The following SKAP1 variants were observed in gnomAD, a reference collection of about 807,000 sequenced individuals.
SKAP1 encodes src kinase-associated phosphoprotein 1.
SKAP1 carries 44 observed loss-of-function variants against 58.5 expected under a neutral mutation model. The observed-to-expected ratio is 0.75, with a 90% CI of 0.59 to 0.97. The LOEUF is 0.97. SKAP1 is among the 50% of genes least tolerant of loss of function. The probability of loss-of-function intolerance (pLI) is 0.00; values close to 1 mark genes in which losing one functional copy is unlikely to be tolerated. For missense variants in SKAP1, 390 were observed against 435.2 expected (o/e 0.90, Z 0.92); for synonymous variants, 127 against 149.7 (o/e 0.85, Z 1.11).
intron 10 of SKAP1, among the ~76,000 whole-genome samples, chr17:48,167,323 TA>T (rs1459048673): frequency 6.6e-6 from 1 of 152,206 alleles, no homozygotes; most frequent in Admixed American, 6.5e-5. Context: ...ATCTTAGTGG[TA>T]TAAGTATGAT....
At position 48,246,313 on chromosome 17, in the gene SKAP1, A is replaced by G. The variant is rs372661808; in HGVS notation, c.281-56813T>C. On this transcript the variant is annotated intron_variant, in intron 4 of 12. Transcript: ENST00000336915. ...TCCTCTCATCATCCTCCTACAATTA[A>G]GTAACCCTTGTTAGACCGGACTATT... Among the ~76,000 whole-genome samples the G allele has an allele frequency of 3.3e-5, 5 of 152,300 alleles. No homozygotes were observed. In the East Asian group the frequency reaches 9.6e-4, roughly 29 times the overall value.
At chr17:48,307,513 C>T (rs1436609948) in intron 4 of SKAP1, 2 of 152,334 alleles carry the variant, frequency 1.3e-5, no homozygotes, top group East Asian at 3.9e-4. Flanking sequence ...TATGTCCACG[C>T]AGAGTATGCT....
chr17:48,316,757 A>T (rs2066293870), intron 4 of SKAP1, among the ~76,000 whole-genome samples: 1 of 152,228 alleles, frequency 6.6e-6, no homozygotes, highest in Admixed American at 6.5e-5. Context: ...ATGAACCTCA[A>T]AAGAATGTTC....
At chr17:48,227,873 G>A (rs1156386842) in intron 4 of SKAP1, among the ~76,000 whole-genome samples, 1 of 152,128 alleles carries the variant, frequency 6.6e-6, no homozygotes, top group East Asian at 1.9e-4. Context: ...AGGTTGTTAC[G>A]AGGATAAAAT....
At chr17:48,204,989 C>CTTTTCT (rs1332877599) in intron 4 of SKAP1, among the ~76,000 whole-genome samples, 56 of 55,878 alleles carry the variant, frequency 1.0e-3, no homozygotes, top group African/African-American at 4.0e-3. Flanking sequence ...TTCTTTCTTT[C>CTTTTCT]TTTCTTTCTT....
At chr17:48,326,137 A>T (rs1451961563) in intron 4 of SKAP1, among the ~76,000 whole-genome samples, 1 of 152,234 alleles carries the variant, frequency 6.6e-6, no homozygotes, top group African/African-American at 2.4e-5. Flanking sequence ...TAATCCTTCC[A>T]GGGGTGTAAA....
chr17:48,283,022 T>C (rs2065786936), intron 4 of SKAP1, among the ~76,000 whole-genome samples: 1 of 152,200 alleles, frequency 6.6e-6, no homozygotes, highest in Non-Finnish European at 1.5e-5. Context: ...GTTAAGAAGA[T>C]GTTTGGGAGA....
At chr17:48,263,666 A>G (rs1050479156) in intron 4 of SKAP1, among the ~76,000 whole-genome samples, 1 of 152,124 alleles carries the variant, frequency 6.6e-6, no homozygotes, top group Non-Finnish European at 1.5e-5. Flanking sequence ...TATGGAGAAA[A>G]TATGTCCGTT....
intron 11 of SKAP1, among the ~76,000 whole-genome samples, chr17:48,138,798 G>A (rs537520503): frequency 6.6e-6 from 1 of 152,214 alleles, no homozygotes; most frequent in East Asian, 1.9e-4. Context: ...TTACAGGCGT[G>A]AGCCACTGTG....
chr17:48,340,720 A>G (rs1567874804), intron 4 of SKAP1, among the ~76,000 whole-genome samples: 1 of 152,204 alleles, frequency 6.6e-6, no homozygotes, highest in Non-Finnish European at 1.5e-5. Context: ...TAAACACAAA[A>G]AATGCTTCTA....
At chr17:48,145,986 A>C (rs1271084958) in intron 11 of SKAP1, among the ~76,000 whole-genome samples, 2 of 152,152 alleles carry the variant, frequency 1.3e-5, no homozygotes, top group East Asian at 3.9e-4. Flanking sequence ...AAACTGGTGT[A>C]AAATTTTGTG....
At chr17:48,138,542 C>T (rs1598352789) in intron 11 of SKAP1, among the ~76,000 whole-genome samples, 1 of 151,672 alleles carries the variant, frequency 6.6e-6, no homozygotes, top group South Asian at 2.1e-4. Flanking sequence ...GCTAATTTTT[C>T]TATTTTTAGT....
In SKAP1 at chr17:48,259,096, G is replaced by A. The variant is rs145902397; in HGVS notation, c.281-69596C>T. On this transcript the variant is annotated intron_variant, in intron 4 of 12. Transcript: ENST00000336915. ...ATTTTAGGCAGATGCTTGAATGTCCGTAATTTTTTAAAATGGGGGACTCTA... is the reference window on the plus strand; with the variant it reads ...ATTTTAGGCAGATGCTTGAATGTCCATAATTTTTTAAAATGGGGGACTCTA... Among the ~76,000 whole-genome samples, 886 of 152,080 alleles carry A rather than the reference G, an allele frequency of 5.8e-3. 1 individual carries two copies. The highest frequency in any genetic ancestry group is 0.017 in the African/African-American group (708 of 41,504).
At chr17:48,325,909 A>G (rs990747762) in intron 4 of SKAP1, among the ~76,000 whole-genome samples, 3 of 152,208 alleles carry the variant, frequency 2.0e-5, no homozygotes, top group Non-Finnish European at 4.4e-5. Flanking sequence ...GCTCTACCAG[A>G]TATTTACAAG....
At chr17:48,282,031 C>T (rs2065772666) in intron 4 of SKAP1, among the ~76,000 whole-genome samples, 2 of 152,058 alleles carry the variant, frequency 1.3e-5, no homozygotes, top group Admixed American at 1.3e-4. Context: ...TCTTCATGCA[C>T]CGATAAGAAT....
intron 2 of SKAP1, among the ~76,000 whole-genome samples, chr17:48,385,544 T>G (rs944298855): frequency 5.3e-5 from 8 of 152,014 alleles, no homozygotes; most frequent in African/African-American, 1.9e-4. Flanking sequence ...AAATACTGTG[T>G]GGGGGGACTC....
chr17:48,170,259 T>G (rs2064190130), intron 10 of SKAP1, among the ~76,000 whole-genome samples: 1 of 152,224 alleles, frequency 6.6e-6, no homozygotes, highest in South Asian at 2.1e-4. Context: ...GACATTTCCA[T>G]TCTTTCCATT....
intron 2 of SKAP1, among the ~76,000 whole-genome samples, chr17:48,392,082 C>A (rs908495968): frequency 1.3e-5 from 2 of 152,158 alleles, no homozygotes; most frequent in Non-Finnish European, 2.9e-5. Context: ...TTTTATCAGG[C>A]TAACTCCTTG....
chr17:48,390,698 T>C (rs2067333510), intron 2 of SKAP1, among the ~76,000 whole-genome samples: 1 of 152,164 alleles, frequency 6.6e-6, no homozygotes, highest in Non-Finnish European at 1.5e-5. Context: ...AATCCCAAAC[T>C]CCTTTTCACT....
Sources: gnomAD v4.1 joint callset for allele counts (sites outside exome capture counted in the v4.1 genomes callset) on GRCh38, gnomAD v4.1.1 for gene constraint, MANE v1.5 for transcripts, NCBI Gene and HGNC (gene_info 2026-07-23, HGNC 2026-07-21) for gene names.